Variants in UNG observed in about 807,000 individuals in gnomAD.
UNG encodes the protein uracil DNA glycosylase.
Under a neutral mutation model 36.5 loss-of-function variants are expected in UNG, and 34 were observed. The observed-to-expected ratio is 0.93, with a 90% CI of 0.71 to 1.24. The LOEUF is 1.24. Among genes scored for constraint, UNG ranks in the 50% most tolerant of loss-of-function variants. UNG has a pLI of 0.00. For synonymous variants in UNG, 172 were observed against 157.8 expected, an observed-to-expected ratio of 1.09 and a Z score of -0.67; for missense variants, 391 against 397.6, an observed-to-expected ratio of 0.98 and a Z score of 0.14.
intron 6 of UNG, among the ~76,000 whole-genome samples, chr12:109,105,871 C>T (rs948186862): frequency 6.6e-6 from 1 of 152,276 alleles, no homozygotes; most frequent in Non-Finnish European, 1.5e-5. Flanking sequence ...CCCTGGAAGG[C>T]CTTGCCTTAG....
At position 109,098,508 on chromosome 12, in the gene UNG, A is replaced by C. The variant is rs1241820370; in HGVS notation, c.209A>C (p.Gln70Pro). The change falls in exon 2 of 7, where the codon CAG (glutamine) becomes CCG (proline). Residue 70 changes from glutamine (Q) to proline (P), a missense_variant. Physicochemically the swap from Gln to Pro is moderately conservative, Grantham distance 76. Coordinates refer to ENST00000242576, the MANE Select transcript of UNG (RefSeq NM_080911.3). ...TPPSSPLSAE[Q>P]LDRIQRNKAA... is the part of the protein sequence containing the mutation. ...CCCTCCTCGCCGCTGAGTGCCGAGC[A>C]GTTGGACCGGATCCAGAGGAACAAG... 5 of 1,612,886 alleles carry C rather than the reference A, an allele frequency of 3.1e-6. No homozygotes were observed. The highest frequency in any genetic ancestry group is 1.1e-5 in the South Asian group (1 of 91,060).
intron 2 of UNG, 127 bp downstream of exon 2, chr12:109,098,765 C>T (rs2042154575): frequency 3.2e-6 from 4 of 1,242,592 alleles, no homozygotes; most frequent in Non-Finnish European, 4.5e-6. Context: ...ACCTCCTTTA[C>T]TCACAAAGGG....
chr12:109,104,958 G>C (rs2042205198), intron 6 of UNG: 1 of 152,238 alleles, frequency 6.6e-6, no homozygotes, highest in Non-Finnish European at 1.5e-5. Flanking sequence ...CTGTCACCCA[G>C]GCTGGAGTGC....
At chr12:109,098,175 C>A (rs1025746841) in intron 1 of UNG, 1 of 1,417,676 alleles carries the variant, frequency 7.1e-7, no homozygotes, top group Non-Finnish European at 9.2e-7. Flanking sequence ...CACCTCTGTG[C>A]AGGGTTCCCA....
chr12:109,104,922 CT>C (rs1158926205), intron 6 of UNG, among the ~76,000 whole-genome samples: 1 of 151,958 alleles, frequency 6.6e-6, no homozygotes, highest in Non-Finnish European at 1.5e-5. Context: ...AGGTTGAGCA[CT>C]TTTGTTTTTT....
At chr12:109,108,584 G>GA in intron 6 of UNG, among the ~76,000 whole-genome samples, 7 of 151,998 alleles carry the variant, frequency 4.6e-5, no homozygotes, top group African/African-American at 1.7e-4. Flanking sequence ...GTGGGCCACA[G>GA]TCATGCCACT....
chr12:109,109,972 A>T lies in UNG; in HGVS notation c.*3A>T. ...CCATTGACTGGAAGGAGCTGTGATC[A>T]TCAGCTGAGGGGTGGCCTTTGAGAA... is the stretch of plus-strand genomic sequence containing the variant. On this transcript the variant is annotated 3_prime_UTR_variant, in exon 7 of 7. Coordinates refer to ENST00000242576, the MANE Select transcript of UNG (RefSeq NM_080911.3). The T allele has an allele frequency of 1.2e-6, 2 of 1,614,146 alleles. No individual in the cohort carries two copies. Among genetic ancestry groups the T allele is most frequent in the South Asian group, 1.1e-5 (1 of 91,080 alleles).
chr12:109,101,399 T>C (rs1021427670), intron 3 of UNG, among the ~76,000 whole-genome samples: 5 of 151,428 alleles, frequency 3.3e-5, no homozygotes, highest in African/African-American at 1.2e-4. Flanking sequence ...CCTAAATTGC[T>C]TTAATTCATC....
intron 6 of UNG, among the ~76,000 whole-genome samples, chr12:109,108,179 A>C (rs552863859): frequency 3.9e-5 from 6 of 152,326 alleles, no homozygotes; most frequent in African/African-American, 1.4e-4. Flanking sequence ...ACTAGGTTTT[A>C]GCTGACATAA....
chr12:109,103,061 C>T (rs2042190410), intron 5 of UNG, 134 bp downstream of exon 5: 9 of 712,460 alleles, frequency 1.3e-5, no homozygotes, highest in Non-Finnish European at 2.2e-5. Flanking sequence ...AGGCGATTCT[C>T]ATGCCTCAGC....
chr12:109,103,040 C>T (rs746728469), intron 5 of UNG, 113 bp downstream of exon 5: 5 of 815,424 alleles, frequency 6.1e-6, no homozygotes, highest in South Asian at 1.5e-5. Context: ...CAACCTCTGC[C>T]TCCCAGGTTC....
chr12:109,108,975 T>A (rs893919920), intron 6 of UNG, among the ~76,000 whole-genome samples: 2 of 152,174 alleles, frequency 1.3e-5, no homozygotes, highest in African/African-American at 4.8e-5. Context: ...ATGAGTTACA[T>A]GAGGTACTAA....
At chr12:109,104,864 G>T (rs1257161344) in intron 6 of UNG, among the ~76,000 whole-genome samples, 1 of 152,112 alleles carries the variant, frequency 6.6e-6, no homozygotes, top group Non-Finnish European at 1.5e-5. Flanking sequence ...GGTAACGGGG[G>T]TATCAGAAAT....
intron 6 of UNG, among the ~76,000 whole-genome samples, chr12:109,104,186 C>T (rs1213951407): frequency 6.6e-6 from 1 of 152,058 alleles, no homozygotes; most frequent in African/African-American, 2.4e-5. Flanking sequence ...GCTGGGACTA[C>T]AGGCGCCCGC....
rs567846084 is a variant in UNG, at chr12:109,102,997, G to A, written c.622+70G>A. Reference sequence around the variant, plus strand: ...GACCGAGTCTCACTCTGTTGCCCAGGCTAGAGTGCAGTGGTGCAATCTCAG... The same window carrying A: ...GACCGAGTCTCACTCTGTTGCCCAGACTAGAGTGCAGTGGTGCAATCTCAG... On this transcript the variant is annotated intron_variant, in intron 5 of 6. Coordinates refer to ENST00000242576, the MANE Select transcript of UNG (RefSeq NM_080911.3). 1.2e-4 allele frequency: 146 copies of A among 1,179,310 alleles called. No homozygotes were observed. The African/African-American group carries it at 2.0e-3, about 16-fold the overall frequency. The allele number at this position is 1,179,310 out of a possible 1,614,324, so 73.1% of individuals were successfully genotyped here.
In UNG at chr12:109,097,655, C is replaced by T; in HGVS notation, c.-25C>T. 8 of 1,601,286 alleles carry T rather than the reference C, an allele frequency of 5.0e-6. No homozygotes were observed. The highest frequency in any genetic ancestry group is 1.1e-5 in the South Asian group (1 of 89,458). On this transcript the variant is annotated 5_prime_UTR_variant, in exon 1 of 7. Transcript: ENST00000242576. ...GCCTCGCCGGTTCCCGGGTGGCGCG[C>T]GTTCGCTGCCTCCTCAGCTCCAGGA...
Position 109,102,855 on chromosome 12 carries a change from A to G in UNG, c.550A>G (p.Lys184Glu). 6.2e-7 allele frequency: 1 copy of G among 1,613,570 alleles called. No homozygotes were observed. The highest frequency in any genetic ancestry group is 8.5e-7 in the Non-Finnish European group (1 of 1,179,702). The change falls in exon 5 of 7, where the codon AAA (lysine) becomes GAA (glutamate). Residue 184 changes from lysine to glutamate, a missense_variant. By Grantham distance (56) the Lys-to-Glu change is moderately conservative. Transcript: ENST00000242576. ...PPPPSLENIY[K>E]ELSTDIEDFV... ...TGCTTTCAGTTTGGAGAACATTTATAAAGAGTTGTCTACAGACATAGAGGA... is the reference window on the plus strand; with the variant it reads ...TGCTTTCAGTTTGGAGAACATTTATGAAGAGTTGTCTACAGACATAGAGGA...
chr12:109,102,773 C>A (rs958220287), intron 4 of UNG, 66 bp from the exon 5 acceptor site: 3 of 1,309,512 alleles, frequency 2.3e-6, no homozygotes, highest in African/African-American at 1.5e-5. Flanking sequence ...ATGTCTTAGA[C>A]GTTACTGAGC....
intron 3 of UNG, among the ~76,000 whole-genome samples, chr12:109,101,104 T>C: frequency 7.8e-6 from 1 of 127,448 alleles, no homozygotes; most frequent in African/African-American, 2.9e-5. Context: ...AAATCTGAAT[T>C]GCTTTTTTTT....
Sources: allele counts gnomAD v4.1 joint callset (sites outside exome capture counted in the v4.1 genomes callset), GRCh38; gene constraint gnomAD v4.1.1; transcripts MANE v1.5; gene names NCBI Gene and HGNC (gene_info 2026-07-23, HGNC 2026-07-21).